KCNAB1: variants seen among roughly 807,000 people sequenced by gnomAD.
KCNAB1 encodes the protein potassium voltage-gated channel subfamily A regulatory beta subunit 1.
In KCNAB1, 35 loss-of-function variants were observed where a neutral mutation model predicts 64.6. The observed-to-expected ratio is 0.54, with a 90% CI of 0.41 to 0.72. The LOEUF is 0.72. KCNAB1 is among the 30% of genes least tolerant of loss of function. The pLI is 0.00. For synonymous variants in KCNAB1, 177 were observed against 183.8 expected, an observed-to-expected ratio of 0.96 and a Z score of 0.30; for missense variants, 401 against 512.9, an observed-to-expected ratio of 0.78 and a Z score of 2.11.
intron 1 of KCNAB1, among the ~76,000 whole-genome samples, chr3:156,240,924 G>A (rs1279549897): frequency 6.6e-6 from 1 of 152,188 alleles, no homozygotes; most frequent in African/African-American, 2.4e-5. Context: ...ATGGGTAATT[G>A]GAGCTTAATT....
chr3:156,210,571 C>T (rs563211911), intron 1 of KCNAB1, among the ~76,000 whole-genome samples: 3 of 152,232 alleles, frequency 2.0e-5, no homozygotes, highest in Non-Finnish European at 4.4e-5. Flanking sequence ...TATTGATCAC[C>T]ATGATGTGCC....
chr3:156,269,388 ACTTGT>A (rs1225888133), intron 1 of KCNAB1, among the ~76,000 whole-genome samples: 2 of 152,306 alleles, frequency 1.3e-5, no homozygotes, highest in African/African-American at 2.4e-5. Context: ...ATATTTTAAG[ACTTGT>A]CTTGTGGCCT....
At position 156,120,712 on chromosome 3, in the gene KCNAB1, C is replaced by G. The variant is rs144052895; in HGVS notation, c.101C>G (p.Ser34Cys). The G allele has an allele frequency of 4.0e-4, 638 of 1,614,220 alleles. 2 individuals carry two copies. In the African/African-American group the frequency reaches 7.4e-3, roughly 19 times the overall value. ...TTTTCTGTAGCAGGGAAAGACAAATCTCCCAAGAAAGCCTCAGAAAACGCT... is the reference window on the plus strand; with the variant it reads ...TTTTCTGTAGCAGGGAAAGACAAATGTCCCAAGAAAGCCTCAGAAAACGCT... ...SGFSVAGKDK[S>C]PKKASENAKD... is the part of the protein sequence containing the mutation. Residue 34 changes from serine to cysteine, a missense_variant, in exon 1 of 14, where the codon TCT becomes TGT. Transcript: ENST00000490337.
chr3:156,326,166 C>A (rs1339002132), intron 1 of KCNAB1, among the ~76,000 whole-genome samples: 1 of 152,184 alleles, frequency 6.6e-6, no homozygotes, highest in Non-Finnish European at 1.5e-5. Context: ...TTCATTTCTT[C>A]TTTCCCGTAT....
chr3:156,125,451 A>G (rs1195434482), intron 1 of KCNAB1, among the ~76,000 whole-genome samples: 2 of 152,230 alleles, frequency 1.3e-5, no homozygotes, highest in Non-Finnish European at 2.9e-5. Context: ...AGGAAAAGTG[A>G]CTTGGAGATA....
intron 8 of KCNAB1, among the ~76,000 whole-genome samples, chr3:156,506,392 A>G (rs1387109169): frequency 6.6e-6 from 1 of 152,184 alleles, no homozygotes; most frequent in Non-Finnish European, 1.5e-5. Context: ...AGTGAGACTA[A>G]AAGTGTCCCA....
At chr3:156,198,387 G>T (rs1385457947) in intron 1 of KCNAB1, among the ~76,000 whole-genome samples, 2 of 152,118 alleles carry the variant, frequency 1.3e-5, no homozygotes, top group African/African-American at 4.8e-5. Context: ...TGACAGTGGG[G>T]TGTTAAAGTC....
chr3:156,330,270 A>G (rs1300852109), intron 1 of KCNAB1, among the ~76,000 whole-genome samples: 1 of 152,108 alleles, frequency 6.6e-6, no homozygotes, highest in Non-Finnish European at 1.5e-5. Context: ...TAGCCTAGGA[A>G]TCAGCATTCG....
chr3:156,127,884 G>GTT (rs1553805265), intron 1 of KCNAB1, among the ~76,000 whole-genome samples: 1 of 147,556 alleles, frequency 6.8e-6, no homozygotes, highest in African/African-American at 2.5e-5. Flanking sequence ...CTTCATTTGG[G>GTT]GTGTGTGTGT....
At chr3:156,486,644 G>A (rs775038333) in intron 8 of KCNAB1, among the ~76,000 whole-genome samples, 1 of 152,172 alleles carries the variant, frequency 6.6e-6, no homozygotes, top group South Asian at 2.1e-4. Flanking sequence ...AGGGAAGGTA[G>A]TTACAAATGT....
chr3:156,166,436 A>G (rs1044318867), intron 1 of KCNAB1, among the ~76,000 whole-genome samples: 3 of 152,210 alleles, frequency 2.0e-5, no homozygotes, highest in Non-Finnish European at 4.4e-5. Context: ...CACTAGAGAG[A>G]TACTAACAAA....
At chr3:156,291,179 C>T in intron 1 of KCNAB1, 1 of 985,660 alleles carries the variant, frequency 1.0e-6, no homozygotes, top group African/African-American at 1.7e-5. Context: ...CAAAGAGCTC[C>T]TTAAAGGGAC....
chr3:156,118,937 G>C (rs562731915), upstream of KCNAB1, among the ~76,000 whole-genome samples: 3 of 152,354 alleles, frequency 2.0e-5, no homozygotes, highest in East Asian at 5.8e-4. Flanking sequence ...GCTGTCGCCT[G>C]CTGGTGCTAA....
At chr3:156,239,597 G>A (rs574913865) in intron 1 of KCNAB1, among the ~76,000 whole-genome samples, 67 of 152,290 alleles carry the variant, frequency 4.4e-4, no homozygotes, top group African/African-American at 1.6e-3. Context: ...TGGGGCCTCT[G>A]GGAATGTCCA....
At chr3:156,421,527 C>A in intron 1 of KCNAB1, 89 bp from the exon 2 acceptor site, 1 of 1,346,322 alleles carries the variant, frequency 7.4e-7, no homozygotes, top group African/African-American at 1.4e-5. Flanking sequence ...CATCAAGAAT[C>A]TGCCAAAATG....
At chr3:156,333,093 G>A (rs1274695594) in intron 1 of KCNAB1, among the ~76,000 whole-genome samples, 1 of 152,030 alleles carries the variant, frequency 6.6e-6, no homozygotes, top group Non-Finnish European at 1.5e-5. Flanking sequence ...CCCCACTTAG[G>A]CATCATTTCT....
chr3:156,272,296 GGC>G, intron 1 of KCNAB1, among the ~76,000 whole-genome samples: 1 of 152,212 alleles, frequency 6.6e-6, no homozygotes, highest in Non-Finnish European at 1.5e-5. Flanking sequence ...TCAGGGTGGT[GGC>G]AAGTTCCCCT....
intron 1 of KCNAB1, among the ~76,000 whole-genome samples, chr3:156,191,332 A>T (rs561953484): frequency 1.3e-5 from 2 of 152,332 alleles, no homozygotes; most frequent in South Asian, 4.1e-4. Flanking sequence ...AAGGAAACTA[A>T]CCTCCCATCC....
At chr3:156,224,266 G>A (rs879587830) in intron 1 of KCNAB1, among the ~76,000 whole-genome samples, 3 of 152,220 alleles carry the variant, frequency 2.0e-5, no homozygotes, top group East Asian at 1.9e-4. Flanking sequence ...GTGCTGGCCC[G>A]CAAGCACCGC....
Sources: allele counts gnomAD v4.1 joint callset (sites outside exome capture counted in the v4.1 genomes callset), GRCh38; gene constraint gnomAD v4.1.1; transcripts MANE v1.5; gene names NCBI Gene and HGNC (gene_info 2026-07-23, HGNC 2026-07-21).